The following CACNA1D variants were observed in gnomAD, a reference collection of about 807,000 sequenced individuals.
CACNA1D encodes the protein calcium voltage-gated channel subunit alpha1 D.
Under a neutral mutation model 257.1 loss-of-function variants are expected in CACNA1D, and 55 were observed. That is an observed-to-expected ratio of 0.21 (90% CI 0.17 to 0.27). CACNA1D has a LOEUF of 0.27. Among genes scored for constraint, CACNA1D ranks in the 10% least tolerant of loss-of-function variants. CACNA1D has a pLI of 1.00. For synonymous variants in CACNA1D, 980 were observed against 1,014.9 expected, an observed-to-expected ratio of 0.97 and a Z score of 0.65; for missense variants, 1,876 against 2,784.0, an observed-to-expected ratio of 0.67 and a Z score of 7.34.
At chr3:53,718,601 C>CCCCCCCAATAAAA in intron 10 of CACNA1D, 1 of 1,103,192 alleles carries the variant, frequency 9.1e-7, no homozygotes, top group Non-Finnish European at 1.3e-6. Flanking sequence ...CCCCCCGGCC[C>CCCCCCCAATAAAA]AGCATTTCAC....
chr3:53,586,662 T>G (rs1380140103), intron 3 of CACNA1D, among the ~76,000 whole-genome samples: 1 of 152,220 alleles, frequency 6.6e-6, no homozygotes, highest in Non-Finnish European at 1.5e-5. Flanking sequence ...TCTTTACTTC[T>G]GTTTTCCTGT....
At chr3:53,705,784 C>T (rs1368877916) in intron 9 of CACNA1D, among the ~76,000 whole-genome samples, 1 of 152,228 alleles carries the variant, frequency 6.6e-6, no homozygotes, top group Non-Finnish European at 1.5e-5. Flanking sequence ...TCACAGACCT[C>T]AGCAGCCCAG....
chr3:53,507,072 C>CAAAAAAAAAAAAAAA (rs781421977), intron 3 of CACNA1D, among the ~76,000 whole-genome samples: 6 of 56,700 alleles, frequency 1.1e-4, no homozygotes, highest in African/African-American at 1.3e-4. Flanking sequence ...GACTCTATCT[C>CAAAAAAAAAAAAAAA]AAAAAAAAAA....
At chr3:53,517,574 C>T (rs897128358) in intron 3 of CACNA1D, among the ~76,000 whole-genome samples, 3 of 151,960 alleles carry the variant, frequency 2.0e-5, no homozygotes, top group Non-Finnish European at 4.4e-5. Context: ...ACCTCTGCCT[C>T]CCAGGTTCAA....
chr3:53,693,461 A>C (rs200338218), intron 8 of CACNA1D, among the ~76,000 whole-genome samples: 2 of 142,468 alleles, frequency 1.4e-5, no homozygotes, highest in African/African-American at 2.5e-5. Flanking sequence ...CATTGCTGTT[A>C]TTTTTTTTTT....
chr3:53,652,478 G>A (rs150835610), intron 4 of CACNA1D, among the ~76,000 whole-genome samples: 3 of 152,296 alleles, frequency 2.0e-5, no homozygotes, highest in Non-Finnish European at 2.9e-5. Context: ...GCTAAGCTAC[G>A]CCTACACGGA....
chr3:53,606,054 C>G (rs2093505889), intron 3 of CACNA1D, among the ~76,000 whole-genome samples: 1 of 152,186 alleles, frequency 6.6e-6, no homozygotes, highest in Admixed American at 6.5e-5. Context: ...CTAGGAAACA[C>G]CAAGAAGGCT....
At chr3:53,610,028 C>T (rs2093563595) in intron 3 of CACNA1D, among the ~76,000 whole-genome samples, 1 of 152,158 alleles carries the variant, frequency 6.6e-6, no homozygotes, top group South Asian at 2.1e-4. Flanking sequence ...TAAATTTCTA[C>T]ATATTTGGGT....
At chr3:53,711,911 C>T (rs2094761055) in intron 9 of CACNA1D, among the ~76,000 whole-genome samples, 1 of 152,156 alleles carries the variant, frequency 6.6e-6, no homozygotes, top group African/African-American at 2.4e-5. Flanking sequence ...TTGGGGCTGC[C>T]TTTTTTATCT....
chr3:53,655,815 TG>T (rs1298157067), intron 4 of CACNA1D, among the ~76,000 whole-genome samples: 1 of 152,208 alleles, frequency 6.6e-6, no homozygotes, highest in Non-Finnish European at 1.5e-5. Context: ...GCTTTTGTTG[TG>T]ATTGCTTTTG....
intron 3 of CACNA1D, among the ~76,000 whole-genome samples, chr3:53,553,063 G>A (rs866530476): frequency 6.6e-6 from 1 of 152,180 alleles, no homozygotes; most frequent in Non-Finnish European, 1.5e-5. Context: ...CTACCTGCAC[G>A]TGCATGAAAG....
At chr3:53,674,823 C>G (rs569122004) in intron 8 of CACNA1D, among the ~76,000 whole-genome samples, 8 of 152,234 alleles carry the variant, frequency 5.3e-5, no homozygotes, top group Admixed American at 5.2e-4. Context: ...AGAGGAGCCT[C>G]TGTCACTGCG....
intron 3 of CACNA1D, among the ~76,000 whole-genome samples, chr3:53,520,905 T>TTC (rs2091545752): frequency 8.0e-6 from 1 of 125,620 alleles, no homozygotes; most frequent in East Asian, 2.3e-4. Context: ...TTTTCTTTTC[T>TTC]TTTCTTTTCT....
chr3:53,683,510 C>A (rs1282028818), intron 8 of CACNA1D, among the ~76,000 whole-genome samples: 1 of 152,082 alleles, frequency 6.6e-6, no homozygotes, highest in Non-Finnish European at 1.5e-5. Context: ...CAGATGTTCC[C>A]AGAATGTTTT....
chr3:53,715,315 G>A (rs2094806695), intron 9 of CACNA1D, among the ~76,000 whole-genome samples: 2 of 152,068 alleles, frequency 1.3e-5, no homozygotes, highest in Non-Finnish European at 2.9e-5. Flanking sequence ...TGGCTCTTTA[G>A]GTGTCAAACA....
intron 25 of CACNA1D, among the ~76,000 whole-genome samples, chr3:53,746,190 T>C (rs2612023): frequency 0.78 from 118,280 of 152,070 alleles, 47,238 homozygotes; most frequent in East Asian, 1. Context: ...CTATAAATGA[T>C]GGGAGTTGGG....
At chr3:53,725,409 G>A (rs1280427824) in intron 14 of CACNA1D, among the ~76,000 whole-genome samples, 2 of 152,188 alleles carry the variant, frequency 1.3e-5, no homozygotes, top group African/African-American at 4.8e-5. Context: ...GGCTCCAGTA[G>A]GTGACCCTGA....
chr3:53,499,260 C>A (rs1049620699), intron 2 of CACNA1D, among the ~76,000 whole-genome samples: 1 of 152,112 alleles, frequency 6.6e-6, no homozygotes, highest in Non-Finnish European at 1.5e-5. Context: ...AGGGAGAAGC[C>A]TGTTTACAAA....
chr3:53,603,366 A>T (rs2093468823), intron 3 of CACNA1D, among the ~76,000 whole-genome samples: 1 of 152,188 alleles, frequency 6.6e-6, no homozygotes, highest in African/African-American at 2.4e-5. Flanking sequence ...TAACTGCTTT[A>T]CCTTGGGCAA....
Sources: allele counts gnomAD v4.1 joint callset (sites outside exome capture counted in the v4.1 genomes callset), GRCh38; gene constraint gnomAD v4.1.1; transcripts MANE v1.5; gene names NCBI Gene and HGNC (gene_info 2026-07-23, HGNC 2026-07-21).